PTK2B: variants seen among roughly 807,000 people sequenced by gnomAD.
PTK2B encodes the protein protein-tyrosine kinase 2-beta.
Under a neutral mutation model 142.9 loss-of-function variants are expected in PTK2B, and 71 were observed. That is an observed-to-expected ratio of 0.50 (90% CI 0.41 to 0.61). The LOEUF is 0.61. PTK2B is among the 20% of genes least tolerant of loss of function. The pLI is 0.00. For missense variants in PTK2B, 1,105 were observed against 1,320.4 expected, an observed-to-expected ratio of 0.84 and a Z score of 2.53; for synonymous variants, 519 against 503.4, an observed-to-expected ratio of 1.03 and a Z score of -0.42.
intron 27 of PTK2B, chr8:27,451,920 G>T: frequency 3.0e-6 from 1 of 338,162 alleles, no homozygotes; most frequent in Non-Finnish European, 4.4e-6. Context: ...AAAGTGAGAG[G>T]GGCAGCTGAG....
chr8:27,321,678 T>C (rs1803219896), upstream of PTK2B, among the ~76,000 whole-genome samples: 1 of 152,206 alleles, frequency 6.6e-6, no homozygotes. Flanking sequence ...ACTTCTACTC[T>C]TCAACCATTG....
At chr8:27,443,331 A>G (rs144945031) in intron 22 of PTK2B, among the ~76,000 whole-genome samples, 150 of 152,066 alleles carry the variant, frequency 9.9e-4, no homozygotes, top group African/African-American at 3.2e-3. Flanking sequence ...CTACATCTAT[A>G]CCCCGCATGG....
chr8:27,356,461 C>G lies in PTK2B; in HGVS notation c.-38+30780C>G, dbSNP rs114482993. On this transcript the variant is annotated intron_variant, in intron 1 of 30. Transcript: ENST00000346049. ...ATAAGAATGAACTGCAGCTGAAAAG[C>G]CAATGAATTCATGGAATGCAGTATA... Among the ~76,000 whole-genome samples the G allele has an allele frequency of 5.9e-3, 896 of 152,188 alleles. 11 individuals carry two copies. Among genetic ancestry groups the G allele is most frequent in the African/African-American group, 0.021 (867 of 41,530 alleles).
At chr8:27,436,951 G>C (rs1810816484) in intron 15 of PTK2B, among the ~76,000 whole-genome samples, 171 bp from the exon 16 acceptor site, 1 of 152,146 alleles carries the variant, frequency 6.6e-6, no homozygotes, top group South Asian at 2.1e-4. Context: ...TCAAGAAGAA[G>C]GGGAGTGGAG....
chr8:27,402,042 C>G (rs1808416485), intron 2 of PTK2B, among the ~76,000 whole-genome samples: 1 of 152,106 alleles, frequency 6.6e-6, no homozygotes, highest in South Asian at 2.1e-4. Context: ...ATTATTATTT[C>G]CACTTCATAT....
chr8:27,409,573 A>G (rs1338025232), intron 2 of PTK2B, among the ~76,000 whole-genome samples: 1 of 152,182 alleles, frequency 6.6e-6, no homozygotes, highest in Non-Finnish European at 1.5e-5. Flanking sequence ...AAAAAAACCC[A>G]AAGGGAGATT....
intron 21 of PTK2B, among the ~76,000 whole-genome samples, chr8:27,441,402 T>A (rs1035820433): frequency 5.2e-4 from 79 of 152,342 alleles, no homozygotes; most frequent in African/African-American, 1.7e-3. Flanking sequence ...TGAACCCTAC[T>A]TTAGGGAGTC....
At chr8:27,311,949 C>G (rs1802985272) in intron 1 of PTK2B, among the ~76,000 whole-genome samples, 1 of 152,162 alleles carries the variant, frequency 6.6e-6, no homozygotes, top group Admixed American at 6.5e-5. Context: ...TGTAATAGCT[C>G]TGTTTCCATG....
At chr8:27,393,726 C>T (rs1030207065) in intron 1 of PTK2B, among the ~76,000 whole-genome samples, 3 of 152,124 alleles carry the variant, frequency 2.0e-5, no homozygotes, top group Non-Finnish European at 4.4e-5. Context: ...GCCGAAAGTG[C>T]AGAGTGTTCC....
intron 1 of PTK2B, among the ~76,000 whole-genome samples, chr8:27,393,570 T>C (rs1239480607): frequency 2.6e-5 from 4 of 152,120 alleles, no homozygotes; most frequent in East Asian, 1.9e-4. Flanking sequence ...TCAGGACCGA[T>C]ATGGGAGTTG....
intron 4 of PTK2B, 65 bp downstream of exon 4, chr8:27,420,809 G>A (rs189434221): frequency 2.9e-5 from 41 of 1,419,016 alleles, no homozygotes; most frequent in East Asian, 2.7e-4. Context: ...AGCATGAACC[G>A]TTCTCTCCTA....
chr8:27,397,479 C>A, intron 1 of PTK2B, 69 bp from the exon 2 acceptor site: 3 of 1,230,774 alleles, frequency 2.4e-6, no homozygotes, highest in Non-Finnish European at 2.4e-6. Context: ...TGGGTGCTGT[C>A]CCTGGGGCCA....
chr8:27,385,604 G>C (rs776935575), intron 1 of PTK2B, among the ~76,000 whole-genome samples: 4 of 152,130 alleles, frequency 2.6e-5, no homozygotes, highest in Non-Finnish European at 4.4e-5. Flanking sequence ...AAATAAAACT[G>C]TATCAGGGCC....
chr8:27,445,707 G>A lies in PTK2B; in HGVS notation c.2215-87G>A. On this transcript the variant is annotated intron_variant, in intron 23 of 30. Coordinates refer to ENST00000346049, the MANE Select transcript of PTK2B (RefSeq NM_173176.3). ...CCATTCCCTGTGGTGCTCATGCATA[G>A]TTTCTTTGTGCTCGTGTTTGTAGCA... 4 of 1,575,576 alleles carry A rather than the reference G, an allele frequency of 2.5e-6. No individual in the cohort carries two copies. In the South Asian group the frequency reaches 3.3e-5, roughly 13 times the overall value.
At chr8:27,446,953 G>A (rs556932779) in intron 24 of PTK2B, among the ~76,000 whole-genome samples, 53 of 152,176 alleles carry the variant, frequency 3.5e-4, no homozygotes, top group African/African-American at 1.2e-3. Flanking sequence ...CTGTCTTTGC[G>A]TGTGCTTAAC....
At chr8:27,413,074 G>GCTTTCTCCCAGATCCTCAATGGTTTA (rs1809169109) in intron 2 of PTK2B, among the ~76,000 whole-genome samples, 1 of 149,992 alleles carries the variant, frequency 6.7e-6, no homozygotes, top group Non-Finnish European at 1.5e-5. Context: ...CTCCCATATA[G>GCTTTCTCCCAGATCCTCAATGGTTTA]CTTTCTCCCA....
intron 1 of PTK2B, among the ~76,000 whole-genome samples, chr8:27,348,250 C>T (rs1804828660): frequency 6.6e-6 from 1 of 152,218 alleles, no homozygotes; most frequent in Non-Finnish European, 1.5e-5. Flanking sequence ...CCAAATCTGG[C>T]CCTTTTCCTG....
exon 1 of PTK2B, chr8:27,311,625 C>A (rs1463245343): frequency 1.3e-5 from 3 of 225,758 alleles, no homozygotes; most frequent in South Asian, 2.4e-4. Context: ...CTTAACCAAT[C>A]CCCGGGAACC....
chr8:27,412,228 C>T (rs1039203262), intron 2 of PTK2B, among the ~76,000 whole-genome samples: 1 of 152,190 alleles, frequency 6.6e-6, no homozygotes, highest in Non-Finnish European at 1.5e-5. Flanking sequence ...GCTCCCCTTC[C>T]CTCCCTGGAG....
Sources: allele counts gnomAD v4.1 joint callset (sites outside exome capture counted in the v4.1 genomes callset), GRCh38; gene constraint gnomAD v4.1.1; transcripts MANE v1.5; gene names NCBI Gene and HGNC (gene_info 2026-07-23, HGNC 2026-07-21).